XXYLT1: variants seen among roughly 807,000 people sequenced by gnomAD.
XXYLT1 encodes the protein xyloside xylosyltransferase 1.
XXYLT1 carries 20 observed loss-of-function variants against 28.9 expected under a neutral mutation model. The ratio of observed to expected loss-of-function variants is 0.69; its 90% CI spans 0.49 to 1.00. The LOEUF (loss-of-function observed/expected upper bound fraction) is 1.00. XXYLT1 is among the 50% of genes least tolerant of loss of function. The pLI, the probability that XXYLT1 is intolerant of heterozygous loss-of-function variation, is 0.00. For missense variants in XXYLT1, 542 were observed against 560.1 expected, an observed-to-expected ratio of 0.97 and a Z score of 0.33; for synonymous variants, 257 against 253.8, an observed-to-expected ratio of 1.01 and a Z score of -0.12.
At chr3:195,194,938 G>C (rs1023077896) in intron 2 of XXYLT1, among the ~76,000 whole-genome samples, 4 of 152,122 alleles carry the variant, frequency 2.6e-5, no homozygotes, top group African/African-American at 7.2e-5. Flanking sequence ...ACAAGCAGAG[G>C]AAACATTTGG....
At chr3:195,110,859 G>GTGTGTGTGTGGTGTA (rs796734488) in intron 3 of XXYLT1, among the ~76,000 whole-genome samples, 45,535 of 99,162 alleles carry the variant, frequency 0.46, 10,317 homozygotes, top group Middle Eastern at 0.6. Flanking sequence ...TGTTGTATAA[G>GTGTGTGTGTGGTGTA]TGTGTGTGTG....
At chr3:195,113,007 G>A (rs1266864929) in intron 3 of XXYLT1, among the ~76,000 whole-genome samples, 1 of 152,222 alleles carries the variant, frequency 6.6e-6, no homozygotes, top group African/African-American at 2.4e-5. Context: ...CTCACTCGCC[G>A]TGCCATCCCA....
intron 3 of XXYLT1, among the ~76,000 whole-genome samples, chr3:195,138,402 A>AG (rs1719306813): frequency 6.6e-6 from 1 of 152,140 alleles, no homozygotes; most frequent in Admixed American, 6.5e-5. Flanking sequence ...CTTGACTAAT[A>AG]AGGTCATAGC....
At chr3:195,204,452 GCA>G (rs936679348) in intron 2 of XXYLT1, among the ~76,000 whole-genome samples, 1 of 147,468 alleles carries the variant, frequency 6.8e-6, no homozygotes, top group African/African-American at 2.6e-5. Context: ...ACACACACAC[GCA>G]CACACACACA....
chr3:195,140,452 A>T (rs895055152), intron 3 of XXYLT1, among the ~76,000 whole-genome samples: 2 of 152,228 alleles, frequency 1.3e-5, no homozygotes, highest in Non-Finnish European at 2.9e-5. Flanking sequence ...TGTCTACATT[A>T]GTCTGTTCTC....
rs1177307507 is a variant in XXYLT1 at position 195,257,092 on chromosome 3, C to T, written c.504+13463G>A. ...GTGACAAGAGGGACCGGGAAGCTTT[C>T]TTTACAAGCTTGAGGCCTCTGTAAG... On this transcript the variant is annotated intron_variant, in intron 1 of 3. Transcript: ENST00000310380. The surrounding 1 kb of genome is among the most constrained non-coding windows in gnomAD (Gnocchi z 4.3). 6.6e-6 allele frequency among the ~76,000 whole-genome samples: 1 copy of T among 152,236 alleles called. No individual in the cohort carries two copies. The highest frequency in any genetic ancestry group is 2.4e-5 in the African/African-American group (1 of 41,460).
intron 2 of XXYLT1, among the ~76,000 whole-genome samples, chr3:195,220,123 T>A (rs528793626): frequency 3.9e-5 from 6 of 152,120 alleles, no homozygotes; most frequent in African/African-American, 1.2e-4. Context: ...TATGAAGCAT[T>A]TTTGGCAGCA....
intron 1 of XXYLT1, among the ~76,000 whole-genome samples, chr3:195,238,808 G>A (rs372697290): frequency 9.2e-5 from 14 of 152,064 alleles, no homozygotes; most frequent in Non-Finnish European, 1.6e-4. Context: ...ATCCCTATCC[G>A]TTCGAATTAC....
rs376665426 is a variant in XXYLT1 at position 195,131,968 on chromosome 3, T to C, written c.785+24481A>G. On this transcript the variant is annotated intron_variant, in intron 3 of 3. Coordinates refer to ENST00000310380, the MANE Select transcript of XXYLT1 (RefSeq NM_152531.5). ...CAGAAGTCCAGGCAGGTGATCAGCA[T>C]CTAGCAGGCCCAAGAGGAAGATGCT... Among the ~76,000 whole-genome samples the C allele has an allele frequency of 3.3e-5, 5 of 152,274 alleles. No individual in the cohort carries two copies. In the South Asian group the frequency reaches 1.0e-3, roughly 32 times the overall value.
chr3:195,207,634 C>T, intron 2 of XXYLT1: 2 of 280,548 alleles, frequency 7.1e-6, no homozygotes, highest in South Asian at 6.2e-5. Flanking sequence ...CAGTTACCTA[C>T]TGCTGCATAA....
At chr3:195,093,284 T>C (rs1577016595) in intron 3 of XXYLT1, among the ~76,000 whole-genome samples, 1 of 91,012 alleles carries the variant, frequency 1.1e-5, no homozygotes. Context: ...CCAACCCAAA[T>C]GTCCAACAAT....
chr3:195,225,728 G>T (rs572157631), intron 2 of XXYLT1, among the ~76,000 whole-genome samples: 3 of 151,976 alleles, frequency 2.0e-5, no homozygotes, highest in Admixed American at 6.6e-5. Context: ...CACATGTGGT[G>T]GGGGGGACCT....
At chr3:195,086,937 T>A (rs1715763883) in intron 3 of XXYLT1, among the ~76,000 whole-genome samples, 2 of 152,158 alleles carry the variant, frequency 1.3e-5, no homozygotes, top group South Asian at 2.1e-4. Flanking sequence ...ATGATGACAC[T>A]GGCCAGGCCC....
intron 3 of XXYLT1, among the ~76,000 whole-genome samples, chr3:195,125,222 C>T (rs1335065066): frequency 6.6e-6 from 1 of 152,234 alleles, no homozygotes; most frequent in African/African-American, 2.4e-5. Context: ...GGAGGGGACC[C>T]GGCTCCGACA....
chr3:195,172,619 A>C (rs1202363190), intron 2 of XXYLT1, among the ~76,000 whole-genome samples: 1 of 152,224 alleles, frequency 6.6e-6, no homozygotes, highest in Non-Finnish European at 1.5e-5. Flanking sequence ...AAAGACAGGC[A>C]GGGGTCCCAC....
chr3:195,262,514 TTATC>T (rs1306872188), intron 1 of XXYLT1, among the ~76,000 whole-genome samples: 3 of 152,138 alleles, frequency 2.0e-5, no homozygotes, highest in Non-Finnish European at 4.4e-5. Context: ...AAAAAAGTAA[TTATC>T]TATCTTTTTA....
At chr3:195,197,977 T>G (rs1338801394) in intron 2 of XXYLT1, among the ~76,000 whole-genome samples, 1 of 152,238 alleles carries the variant, frequency 6.6e-6, no homozygotes, top group African/African-American at 2.4e-5. Context: ...TGAGTTCAGC[T>G]GCGCCTGGCT....
rs1303560738 is a variant in XXYLT1, at chr3:195,112,504, C to T, written c.786-42393G>A. On this transcript the variant is annotated intron_variant, in intron 3 of 3. Transcript: ENST00000310380. ...CACACGCATGGACACATGCACACAC[C>T]CACACACACCCACACACACACACAG... 1.2e-4 allele frequency among the ~76,000 whole-genome samples: 4 copies of T among 32,388 alleles called. No homozygotes were observed. The East Asian group carries it at 4.9e-3, about 40-fold the overall frequency. The allele number at this position is 32,388 out of a possible 152,430, so 21.2% of individuals were successfully genotyped here. A position where few individuals can be genotyped will look rare whatever the true frequency, so the allele number is the denominator to read the frequency against.
At chr3:195,179,275 G>A (rs1721826219) in intron 2 of XXYLT1, among the ~76,000 whole-genome samples, 2 of 151,626 alleles carry the variant, frequency 1.3e-5, no homozygotes, top group Non-Finnish European at 1.5e-5. Context: ...GGGAGTCAGA[G>A]GTTGCAGTGA....
Sources: gnomAD v4.1 joint callset for allele counts (sites outside exome capture counted in the v4.1 genomes callset) on GRCh38, gnomAD v4.1.1 for gene constraint, Gnocchi (gnomAD v3.1) non-coding constraint, MANE v1.5 for transcripts, NCBI Gene and HGNC (gene_info 2026-07-23, HGNC 2026-07-21) for gene names.